The following SHANK2 variants were observed in gnomAD, a reference collection of about 807,000 sequenced individuals.
SHANK2 encodes SH3 and multiple ankyrin repeat domains 2.
Under a neutral mutation model 133.7 loss-of-function variants are expected in SHANK2, and 43 were observed. That is an observed-to-expected ratio of 0.32 (90% CI 0.25 to 0.41). The LOEUF is 0.41. SHANK2 is among the 10% of genes least tolerant of loss of function. The pLI, the probability that SHANK2 is intolerant of heterozygous loss-of-function variation, is 1.00. For synonymous variants in SHANK2, 1,017 were observed against 952.8 expected, an observed-to-expected ratio of 1.07 and a Z score of -1.24; for missense variants, 1,994 against 2,235.8, an observed-to-expected ratio of 0.89 and a Z score of 2.18.
intron 17 of SHANK2, among the ~76,000 whole-genome samples, chr11:70,593,380 C>T (rs1290982233): frequency 6.6e-6 from 1 of 152,008 alleles, no homozygotes; most frequent in Non-Finnish European, 1.5e-5. Flanking sequence ...TTTTTTTATT[C>T]TGGGGCTGTG....
intron 17 of SHANK2, among the ~76,000 whole-genome samples, chr11:70,597,026 T>C (rs1458154807): frequency 6.6e-6 from 1 of 151,930 alleles, no homozygotes; most frequent in East Asian, 1.9e-4. Context: ...TCTATATCTG[T>C]TTTGCAAGCG....
At position 71,092,472 on chromosome 11, in the gene SHANK2, G is replaced by A; in HGVS notation, c.862C>T (p.His288Tyr). The A allele has an allele frequency of 1.3e-6, 2 of 1,551,688 alleles. No homozygotes were observed. Among genetic ancestry groups the A allele is most frequent in the East Asian group, 2.4e-5 (1 of 40,904 alleles). The change falls in exon 8 of 26, where the codon CAC (histidine) becomes TAC (tyrosine). Residue 288 changes from histidine (H) to tyrosine (Y), a missense_variant. Around this residue, in one of 5 missense-constraint regions of SHANK2, gnomAD observed 653 missense variants for 563.4 expected, o/e 1.16. Transcript: ENST00000601538. Reference sequence around the variant, plus strand: ...TCATCTTTGCAGCACACAGTGGCGTGTTCGTGCAGGAGAAGCTCGCAGCAG... The same window carrying A: ...TCATCTTTGCAGCACACAGTGGCGTATTCGTGCAGGAGAAGCTCGCAGCAG... ...PYCCELLLHE[H>Y]ATVCCKDENG...
chr11:70,936,662 G>A (rs1555083481), intron 10 of SHANK2, among the ~76,000 whole-genome samples: 1 of 152,182 alleles, frequency 6.6e-6, no homozygotes. Flanking sequence ...GATCATGTTA[G>A]CAACCAAAAG....
chr11:70,661,734 C>T (rs782352538), intron 15 of SHANK2, 56 bp from the exon 16 acceptor site: 7 of 1,614,042 alleles, frequency 4.3e-6, no homozygotes, highest in Non-Finnish European at 5.9e-6. Context: ...ATCATCACCG[C>T]GGCCGCTCCT....
intron 17 of SHANK2, among the ~76,000 whole-genome samples, chr11:70,617,866 A>G (rs1229533010): frequency 6.6e-6 from 1 of 152,170 alleles, no homozygotes; most frequent in African/African-American, 2.4e-5. Context: ...GAGGGATAGC[A>G]TTGGGAGATA....
At chr11:70,534,814 G>T (rs574907835) in intron 17 of SHANK2, among the ~76,000 whole-genome samples, 1 of 152,208 alleles carries the variant, frequency 6.6e-6, no homozygotes. Flanking sequence ...GGACAATGGC[G>T]AGGTGGGGAC....
At chr11:71,244,462 G>T (rs1555124751) in intron 1 of SHANK2, among the ~76,000 whole-genome samples, 2 of 152,240 alleles carry the variant, frequency 1.3e-5, no homozygotes, top group African/African-American at 4.8e-5. Flanking sequence ...CTCTCAGCGT[G>T]CAGCCCCGGG....
At chr11:70,775,648 T>C (rs1204593613) in intron 14 of SHANK2, among the ~76,000 whole-genome samples, 1 of 152,210 alleles carries the variant, frequency 6.6e-6, no homozygotes, top group African/African-American at 2.4e-5. Context: ...GGTTCCTCCC[T>C]GGACCCGGTG....
intron 2 of SHANK2, among the ~76,000 whole-genome samples, chr11:71,164,289 T>C (rs1409611520): frequency 3.9e-5 from 6 of 152,184 alleles, no homozygotes; most frequent in Non-Finnish European, 8.8e-5. Context: ...CTTTGAAGAT[T>C]AAATATCACA....
chr11:70,676,430 G>A (rs1328311703), intron 15 of SHANK2, among the ~76,000 whole-genome samples: 2 of 152,130 alleles, frequency 1.3e-5, no homozygotes, highest in Admixed American at 6.5e-5. Context: ...CCTCCTTTAC[G>A]TTCCTGAGTA....
rs138439397 is a variant in SHANK2, at chr11:71,121,539, T to C, written c.208-2507A>G. Among the ~76,000 whole-genome samples the C allele has an allele frequency of 3.2e-3, 482 of 152,374 alleles. 1 individual carries two copies. Among genetic ancestry groups the C allele is most frequent in the Non-Finnish European group, 5.5e-3 (376 of 68,042 alleles). On this transcript the variant is annotated intron_variant, in intron 3 of 25. Coordinates refer to ENST00000601538, the MANE Select transcript of SHANK2 (RefSeq NM_012309.5). ...TTGCCTGTTCACTCTGATGGTAGTTTCTTTTGCTGTGCAGAAGCTCTTGAG... is the reference window on the plus strand; with the variant it reads ...TTGCCTGTTCACTCTGATGGTAGTTCCTTTTGCTGTGCAGAAGCTCTTGAG...
chr11:71,201,278 C>T (rs1954014532), intron 2 of SHANK2, among the ~76,000 whole-genome samples: 1 of 152,236 alleles, frequency 6.6e-6, no homozygotes, highest in South Asian at 2.1e-4. Context: ...AGAGAGAGGT[C>T]TCGGCCACGA....
intron 17 of SHANK2, among the ~76,000 whole-genome samples, chr11:70,658,982 C>A (rs1353476949): frequency 6.6e-6 from 1 of 152,188 alleles, no homozygotes; most frequent in Non-Finnish European, 1.5e-5. Context: ...GTCTACTGAA[C>A]CTTTAAAATA....
chr11:70,472,656 T>C lies in SHANK2; in HGVS notation c.*213A>G. 1 of 599,636 alleles carries C rather than the reference T, an allele frequency of 1.7e-6. No individual in the cohort carries two copies. Among genetic ancestry groups the C allele is most frequent in the South Asian group, 2.0e-5 (1 of 51,176 alleles). 37.1% of individuals were successfully genotyped at this position (599,636 alleles called of 1,614,324 possible). A position where few individuals can be genotyped will look rare whatever the true frequency, so the allele number is the denominator to read the frequency against. ...AAACTCCCTCCCCTTGTCCCATGTG[T>C]GATAGAAACTGCCCAAGACACCCAC... On this transcript the variant is annotated 3_prime_UTR_variant, in exon 26 of 26. Coordinates refer to ENST00000601538, the MANE Select transcript of SHANK2 (RefSeq NM_012309.5). This position sits in a 1 kb window ranked among gnomAD's most constrained non-coding sequence, Gnocchi z 4.4.
intron 2 of SHANK2, among the ~76,000 whole-genome samples, chr11:71,170,826 T>C (rs1390173870): frequency 6.6e-6 from 1 of 152,202 alleles, no homozygotes; most frequent in Non-Finnish European, 1.5e-5. Context: ...CCTTCATGCA[T>C]ATCAAATCAC....
At chr11:70,707,180 T>C (rs1945679461) in intron 14 of SHANK2, among the ~76,000 whole-genome samples, 2 of 151,934 alleles carry the variant, frequency 1.3e-5, no homozygotes, top group Non-Finnish European at 2.9e-5. Context: ...AAGACCAGCC[T>C]GGTCAACACG....
At chr11:70,681,937 G>A (rs782300989) in intron 15 of SHANK2, among the ~76,000 whole-genome samples, 1 of 152,178 alleles carries the variant, frequency 6.6e-6, no homozygotes, top group African/African-American at 2.4e-5. Context: ...AACAGGGTCT[G>A]GGCATGCTCG....
chr11:71,065,837 A>G (rs1951047885), intron 9 of SHANK2, among the ~76,000 whole-genome samples: 9 of 63,248 alleles, frequency 1.4e-4, no homozygotes, highest in East Asian at 5.8e-4. Context: ...GGGGCGGGGC[A>G]TACAGAACTC....
intron 11 of SHANK2, among the ~76,000 whole-genome samples, chr11:70,881,548 CAAT>C (rs1178241267): frequency 2.6e-5 from 1 of 38,290 alleles, no homozygotes; most frequent in African/African-American, 5.6e-5. Flanking sequence ...GACCCTGTCT[CAAT>C]AATAATAATA....
Sources: allele counts gnomAD v4.1 joint callset (sites outside exome capture counted in the v4.1 genomes callset), GRCh38; gene constraint gnomAD v4.1.1; regional missense constraint gnomAD v4.1.1; non-coding constraint Gnocchi (gnomAD v3.1); transcripts MANE v1.5; gene names NCBI Gene and HGNC (gene_info 2026-07-23, HGNC 2026-07-21).